HERC2: variants seen among roughly 807,000 people sequenced by gnomAD.
The protein encoded by HERC2 is HECT and RLD domain containing E3 ubiquitin protein ligase 2.
Under a neutral mutation model 537.7 loss-of-function variants are expected in HERC2, and 102 were observed. The ratio of observed to expected loss-of-function variants is 0.19; its 90% CI spans 0.16 to 0.22. The LOEUF is 0.22. Among genes scored for constraint, HERC2 ranks in the 10% least tolerant of loss-of-function variants. HERC2 has a pLI of 1.00. For synonymous variants in HERC2, 2,224 were observed against 2,466.2 expected (o/e 0.90, Z 2.91); for missense variants, 4,236 against 6,198.2 (o/e 0.68, Z 10.63).
chr15:28,120,727 A>C (rs1282035127), intron 86 of HERC2, among the ~76,000 whole-genome samples: 1 of 152,184 alleles, frequency 6.6e-6, no homozygotes, highest in African/African-American at 2.4e-5. Flanking sequence ...AATCGGATGT[A>C]TCATCAAATT....
chr15:28,252,754 A>G (rs1164966143), intron 20 of HERC2, among the ~76,000 whole-genome samples: 1 of 152,256 alleles, frequency 6.6e-6, no homozygotes, highest in Non-Finnish European at 1.5e-5. Context: ...CAGATTAGAA[A>G]AACAAAACAA....
At position 28,175,519 on chromosome 15, in the gene HERC2, G is replaced by A. The variant is rs754854681; in HGVS notation, c.9824C>T (p.Ser3275Leu). ...GGCCACCTGCAGCCTTACCTGCCCCGAGTCCGTGACCGCCAGGCAGTGCAG... is the reference window on the plus strand; with the variant it reads ...GGCCACCTGCAGCCTTACCTGCCCCAAGTCCGTGACCGCCAGGCAGTGCAG... ...GALHCLAVTDSGQVYAWGDND... is the reference protein window; with the variant it reads ...GALHCLAVTDLGQVYAWGDND... The change falls in exon 64 of 93, where the codon TCG (serine) becomes TTG (leucine). Residue 3275 changes from serine (S) to leucine (L), a missense_variant. Transcript: ENST00000261609. 1.6e-5 allele frequency: 25 copies of A among 1,611,712 alleles called. No individual in the cohort carries two copies. The Admixed American group carries it at 1.8e-4, about 12-fold the overall frequency.
chr15:28,293,934 G>C (rs1272475186), intron 3 of HERC2, among the ~76,000 whole-genome samples: 1 of 152,186 alleles, frequency 6.6e-6, no homozygotes, highest in Non-Finnish European at 1.5e-5. Context: ...CCTTAACCTT[G>C]AAGTGTAAAC....
chr15:28,214,306 C>T (rs1489403529), intron 40 of HERC2, 34 bp from the exon 41 acceptor site: 9 of 1,559,028 alleles, frequency 5.8e-6, no homozygotes, highest in Admixed American at 1.7e-5. Flanking sequence ...GCTGCTGCAC[C>T]GCTCTTCACC....
At chr15:28,138,570 T>C (rs921872499) in intron 78 of HERC2, among the ~76,000 whole-genome samples, 3 of 152,182 alleles carry the variant, frequency 2.0e-5, no homozygotes, top group African/African-American at 7.2e-5. Flanking sequence ...AAGCCCACTA[T>C]TGAGGCCTAC....
At chr15:28,228,685 AT>A (rs1901509553) in intron 34 of HERC2, among the ~76,000 whole-genome samples, 1 of 152,128 alleles carries the variant, frequency 6.6e-6, no homozygotes, top group Admixed American at 6.6e-5. Flanking sequence ...ACATCTAACT[AT>A]TTTCCAGGGG....
chr15:28,259,969 CAA>C (rs35995546), intron 16 of HERC2, among the ~76,000 whole-genome samples: 10,805 of 67,370 alleles, frequency 0.16, 1,694 homozygotes, highest in African/African-American at 0.46. Flanking sequence ...CTCCATCTGG[CAA>C]AAAAAAAAAA....
At chr15:28,253,939 G>A (rs2075168114) in intron 20 of HERC2, among the ~76,000 whole-genome samples, 2 of 152,024 alleles carry the variant, frequency 1.3e-5, no homozygotes, top group Non-Finnish European at 2.9e-5. Flanking sequence ...TCCAGCCTGG[G>A]CAATAGAGCG....
At chr15:28,298,775 A>T (rs78725931) in intron 3 of HERC2, 1 of 152,166 alleles carries the variant, frequency 6.6e-6, no homozygotes, top group East Asian at 1.9e-4. Flanking sequence ...CAGCCTCAGC[A>T]ACAGAGCAAG....
At chr15:28,164,026 G>A (rs1454107084) in intron 68 of HERC2, among the ~76,000 whole-genome samples, 3 of 152,184 alleles carry the variant, frequency 2.0e-5, no homozygotes, top group Non-Finnish European at 4.4e-5. Context: ...CAGCACTGGG[G>A]CTGAGCTTGT....
At chr15:28,218,768 TTATTG>T (rs1490013712) in intron 37 of HERC2, 97 bp from the exon 38 acceptor site, 16 of 1,094,008 alleles carry the variant, frequency 1.5e-5, no homozygotes, top group Non-Finnish European at 2.2e-5. Flanking sequence ...CATTCTTGTT[TTATTG>T]AAGACTTGAA....
intron 86 of HERC2, among the ~76,000 whole-genome samples, chr15:28,120,868 C>A (rs1888804847): frequency 6.6e-6 from 1 of 152,210 alleles, no homozygotes; most frequent in Admixed American, 6.5e-5. Context: ...AGAAATCTGA[C>A]AGAGTAAACC....
intron 80 of HERC2, 32 bp from the exon 81 acceptor site, chr15:28,132,293 C>A: frequency 6.3e-7 from 1 of 1,577,896 alleles, no homozygotes; most frequent in Non-Finnish European, 8.6e-7. Flanking sequence ...GTTGGCCAAG[C>A]ACAACACAAG....
chr15:28,159,386 G>C (rs1391420056), intron 69 of HERC2, among the ~76,000 whole-genome samples: 1 of 152,198 alleles, frequency 6.6e-6, no homozygotes, highest in Non-Finnish European at 1.5e-5. Flanking sequence ...ATCAGTCATA[G>C]ATTTGGTCTT....
intron 83 of HERC2, 115 bp from the exon 84 acceptor site, chr15:28,125,308 G>A: frequency 1.2e-6 from 1 of 834,312 alleles, no homozygotes; most frequent in Non-Finnish European, 2.0e-6. Context: ...AGCTGGTGTT[G>A]ACCTAGTTGT....
chr15:28,133,053 G>A (rs1024483671), intron 79 of HERC2, among the ~76,000 whole-genome samples: 10 of 151,642 alleles, frequency 6.6e-5, no homozygotes, highest in African/African-American at 2.2e-4. Flanking sequence ...GCTGGAAAGT[G>A]ACCACACATA....
At chr15:28,236,691 G>T (rs4035916) in intron 26 of HERC2, among the ~76,000 whole-genome samples, 1 of 151,764 alleles carries the variant, frequency 6.6e-6, no homozygotes, top group African/African-American at 2.4e-5. Flanking sequence ...AGGCTCAAGC[G>T]ATCCTCCTAC....
chr15:28,112,052 T>G lies in HERC2; in HGVS notation c.14233-17A>C. The G allele has an allele frequency of 6.2e-7, 1 of 1,610,146 alleles. No individual in the cohort carries two copies. Among genetic ancestry groups the G allele is most frequent in the Non-Finnish European group, 8.5e-7 (1 of 1,176,806 alleles). ...ATCCAACACCTGTTGAGCAGAAACA[T>G]GAAGTGATTAGAAATTGAGTACGGC... On this transcript the variant is annotated splice_polypyrimidine_tract_variant and intron_variant, in intron 92 of 92. Transcript: ENST00000261609.
chr15:28,251,122 G>C (rs533244828), intron 20 of HERC2, among the ~76,000 whole-genome samples: 65 of 152,226 alleles, frequency 4.3e-4, no homozygotes, highest in African/African-American at 1.4e-3. Flanking sequence ...TGGAGCTACA[G>C]GTGCAATTCA....
Sources: allele counts gnomAD v4.1 joint callset (sites outside exome capture counted in the v4.1 genomes callset), GRCh38; gene constraint gnomAD v4.1.1; transcripts MANE v1.5; gene names NCBI Gene and HGNC (gene_info 2026-07-23, HGNC 2026-07-21).